Variants in CRIM1 observed in about 807,000 individuals in gnomAD.
CRIM1 encodes the protein cysteine-rich motor neuron 1 protein.
CRIM1 carries 32 observed loss-of-function variants against 116.4 expected under a neutral mutation model. The observed-to-expected ratio is 0.27, with a 90% confidence interval of 0.21 to 0.37. CRIM1 has a LOEUF of 0.37. Ranked by LOEUF, CRIM1 falls within the 10% of genes least tolerant of loss-of-function variation. The pLI is 1.00. For synonymous variants in CRIM1, 590 were observed against 509.2 expected (o/e 1.16, Z -2.13); for missense variants, 1,331 against 1,354.8 (o/e 0.98, Z 0.28).
intron 1 of CRIM1, among the ~76,000 whole-genome samples, chr2:36,377,614 T>C (rs535506033): frequency 6.6e-6 from 1 of 152,332 alleles, no homozygotes; most frequent in African/African-American, 2.4e-5. Flanking sequence ...AACTCATTCA[T>C]GTAAAGCACT....
chr2:36,459,512 A>G (rs544412643), intron 4 of CRIM1, among the ~76,000 whole-genome samples: 81 of 152,306 alleles, frequency 5.3e-4, no homozygotes, highest in African/African-American at 1.9e-3. Flanking sequence ...CCCCTGCACT[A>G]GAGGAATTCA....
chr2:36,424,171 A>G (rs1674280349), intron 2 of CRIM1, among the ~76,000 whole-genome samples: 1 of 152,222 alleles, frequency 6.6e-6, no homozygotes, highest in Non-Finnish European at 1.5e-5. Flanking sequence ...ATATAAGTGT[A>G]AATAATTAAT....
At chr2:36,376,167 C>A (rs987738626) in intron 1 of CRIM1, among the ~76,000 whole-genome samples, 1 of 152,200 alleles carries the variant, frequency 6.6e-6, no homozygotes, top group African/African-American at 2.4e-5. Context: ...AGGTGGGAAT[C>A]AATAGATTGT....
intron 12 of CRIM1, 113 bp downstream of exon 12, chr2:36,517,655 C>G: frequency 1.0e-6 from 1 of 988,152 alleles, no homozygotes; most frequent in East Asian, 2.6e-5. Flanking sequence ...TGTGCCAAAC[C>G]CAGTATCCCA....
intron 1 of CRIM1, among the ~76,000 whole-genome samples, chr2:36,359,931 C>T (rs1669110298): frequency 6.6e-6 from 1 of 152,160 alleles, no homozygotes; most frequent in Non-Finnish European, 1.5e-5. Flanking sequence ...GGCCTGTTTT[C>T]TTGGCCAGGC....
chr2:36,513,849 A>C (rs2125114450), intron 11 of CRIM1, 84 bp downstream of exon 11: 2 of 1,272,018 alleles, frequency 1.6e-6, no homozygotes, highest in South Asian at 2.6e-5. Flanking sequence ...AACTCTGGGG[A>C]GGTTGGAGGG....
chr2:36,452,157 C>T (rs1170952836), intron 4 of CRIM1, among the ~76,000 whole-genome samples: 1 of 151,728 alleles, frequency 6.6e-6, no homozygotes, highest in African/African-American at 2.4e-5. Flanking sequence ...GACAAATTTC[C>T]ATAATTCAGT....
At chr2:36,526,391 T>C (rs958531000) in intron 13 of CRIM1, among the ~76,000 whole-genome samples, 1 of 152,342 alleles carries the variant, frequency 6.6e-6, no homozygotes, top group Middle Eastern at 3.4e-3. Context: ...ATGCCTCTGT[T>C]ATGACCTACT....
intron 1 of CRIM1, among the ~76,000 whole-genome samples, chr2:36,381,582 C>A (rs1306828252): frequency 1.3e-5 from 2 of 152,224 alleles, no homozygotes; most frequent in African/African-American, 4.8e-5. Context: ...AGACACACTT[C>A]TCACTTTAGA....
intron 7 of CRIM1, among the ~76,000 whole-genome samples, chr2:36,498,195 A>C (rs922399817): frequency 6.6e-6 from 1 of 152,210 alleles, no homozygotes; most frequent in Non-Finnish European, 1.5e-5. Flanking sequence ...CACCGTTCCC[A>C]CAACCTGGCA....
chr2:36,402,827 T>C (rs1672519858), intron 2 of CRIM1, among the ~76,000 whole-genome samples: 1 of 151,652 alleles, frequency 6.6e-6, no homozygotes, highest in African/African-American at 2.4e-5. Flanking sequence ...TTTAAGCAAA[T>C]TGTAGTGCCC....
intron 1 of CRIM1, among the ~76,000 whole-genome samples, chr2:36,376,031 G>A (rs936472662): frequency 6.6e-6 from 1 of 152,108 alleles, no homozygotes; most frequent in African/African-American, 2.4e-5. Context: ...TGAATAAAGA[G>A]GTGTAAGGCA....
intron 1 of CRIM1, among the ~76,000 whole-genome samples, chr2:36,357,541 C>T (rs1442628383): frequency 6.6e-6 from 1 of 152,016 alleles, no homozygotes; most frequent in Non-Finnish European, 1.5e-5. Flanking sequence ...GGCTTTAATC[C>T]CTGCCCGCTT....
At chr2:36,413,939 C>T (rs756341129) in intron 2 of CRIM1, among the ~76,000 whole-genome samples, 4 of 152,096 alleles carry the variant, frequency 2.6e-5, no homozygotes, top group Non-Finnish European at 4.4e-5. Context: ...CGGTGAGATC[C>T]GATTTTCCAT....
chr2:36,504,836 A>C (rs957311625), intron 8 of CRIM1, among the ~76,000 whole-genome samples: 1 of 152,308 alleles, frequency 6.6e-6, no homozygotes, highest in South Asian at 2.1e-4. Context: ...AAGTAGCATC[A>C]GTCTTTTGGC....
rs1484818560 is a variant in CRIM1 at position 36,499,314 on chromosome 2, C to T, written c.1468C>T (p.His490Tyr). ...KDCINGFKRDHNGCRTCQCIN... is the reference protein window; with the variant it reads ...KDCINGFKRDYNGCRTCQCIN... Reference sequence around the variant, plus strand: ...CTGCATTAATGGTTTCAAACGCGATCACAATGGTTGTCGGACCTGTCAGTG... The same window carrying T: ...CTGCATTAATGGTTTCAAACGCGATTACAATGGTTGTCGGACCTGTCAGTG... The change falls in exon 8 of 17, where the codon CAC becomes TAC. Residue 490 changes from histidine to tyrosine, a missense_variant. His to Tyr is a moderately conservative substitution (Grantham distance 83). Coordinates refer to ENST00000280527, the MANE Select transcript of CRIM1 (RefSeq NM_016441.3). 1.2e-6 allele frequency: 2 copies of T among 1,614,112 alleles called. No homozygotes were observed. Among genetic ancestry groups the T allele is most frequent in the Non-Finnish European group, 1.7e-6 (2 of 1,179,986 alleles).
At chr2:36,468,986 T>C (rs536522780) in intron 5 of CRIM1, among the ~76,000 whole-genome samples, 4 of 152,352 alleles carry the variant, frequency 2.6e-5, no homozygotes, top group Admixed American at 6.5e-5. Context: ...AGTAAATGAA[T>C]TAGTCTATAG....
At position 36,408,114 on chromosome 2, in the gene CRIM1, G is replaced by T. The variant is rs555889321; in HGVS notation, c.505+11327G>T. Among the ~76,000 whole-genome samples the T allele has an allele frequency of 2.0e-5, 3 of 152,294 alleles. 1 individual carries two copies. In the South Asian group the frequency reaches 6.2e-4, roughly 32 times the overall value. On this transcript the variant is annotated intron_variant, in intron 2 of 16. Coordinates refer to ENST00000280527, the MANE Select transcript of CRIM1 (RefSeq NM_016441.3). ...GCTTTATTTCAGGATTAAATAGAAT[G>T]TACTTACTATGTGTTTTTAAAAGAG...
chr2:36,544,524 T>C, intron 15 of CRIM1, 26 bp downstream of exon 15: 1 of 1,321,818 alleles, frequency 7.6e-7, no homozygotes, highest in African/African-American at 1.5e-5. Flanking sequence ...AGCTGAGATC[T>C]GCTAGTTTTC....
Sources: allele counts gnomAD v4.1 joint callset (sites outside exome capture counted in the v4.1 genomes callset), GRCh38; gene constraint gnomAD v4.1.1; transcripts MANE v1.5; gene names NCBI Gene and HGNC (gene_info 2026-07-23, HGNC 2026-07-21).